The following CNTN5 variants were observed in gnomAD, a reference collection of about 807,000 sequenced individuals.
CNTN5 encodes the protein contactin-5.
A neutral mutation model predicts 129.1 loss-of-function variants in CNTN5; 77 were observed. The observed-to-expected ratio is 0.60, with a 90% CI of 0.50 to 0.72. CNTN5 has a LOEUF of 0.72. Among genes scored for constraint, CNTN5 ranks in the 30% least tolerant of loss-of-function variants. The pLI is 0.00. For missense variants in CNTN5, 1,478 were observed against 1,328.8 expected, an observed-to-expected ratio of 1.11 and a Z score of -1.75; for synonymous variants, 509 against 465.6, an observed-to-expected ratio of 1.09 and a Z score of -1.20.
intron 2 of CNTN5, among the ~76,000 whole-genome samples, chr11:99,377,173 CAG>C (rs1298871534): frequency 6.6e-6 from 1 of 151,952 alleles, no homozygotes; most frequent in African/African-American, 2.4e-5. Flanking sequence ...AGGAATGAAA[CAG>C]AGCTAGAATT....
At chr11:100,142,937 C>A (rs1946740013) in intron 13 of CNTN5, among the ~76,000 whole-genome samples, 1 of 152,052 alleles carries the variant, frequency 6.6e-6, no homozygotes, top group African/African-American at 2.4e-5. Flanking sequence ...GTACCTAAAC[C>A]TTGTTTCATG....
chr11:99,306,386 G>T (rs1365236790), intron 1 of CNTN5, among the ~76,000 whole-genome samples: 1 of 152,136 alleles, frequency 6.6e-6, no homozygotes, highest in Non-Finnish European at 1.5e-5. Context: ...GACAAAAAAA[G>T]TTGTAATTAT....
chr11:99,053,438 T>C (rs1271503751), intron 1 of CNTN5, among the ~76,000 whole-genome samples: 1 of 151,952 alleles, frequency 6.6e-6, no homozygotes, highest in Non-Finnish European at 1.5e-5. Context: ...TTATTCTGTC[T>C]TTTCAATATA....
chr11:99,691,996 G>T (rs1954058733), intron 3 of CNTN5, among the ~76,000 whole-genome samples: 1 of 152,114 alleles, frequency 6.6e-6, no homozygotes, highest in South Asian at 2.1e-4. Flanking sequence ...CATTTGTAAT[G>T]CCCTTCTTTG....
intron 1 of CNTN5, among the ~76,000 whole-genome samples, chr11:99,090,969 C>T (rs768679156): frequency 2.0e-4 from 28 of 140,938 alleles, no homozygotes; most frequent in African/African-American, 7.2e-4. Context: ...TTGCAGTGAG[C>T]CGAGATCGTG....
rs369482207 is a variant in CNTN5, at chr11:99,082,614, T to C, written c.-210+61344T>C. On this transcript the variant is annotated intron_variant, in intron 1 of 24. Transcript: ENST00000524871. ...AAGGAAGAAAACCTTTAACTTATATTTCCCAATTCTTTGGCCTGTGAGTTT... is the reference window on the plus strand; with the variant it reads ...AAGGAAGAAAACCTTTAACTTATATCTCCCAATTCTTTGGCCTGTGAGTTT... 4.3e-3 allele frequency among the ~76,000 whole-genome samples: 653 copies of C among 152,316 alleles called. 5 individuals are homozygous for C. Among genetic ancestry groups the C allele is most frequent in the South Asian group, 0.014 (66 of 4,834 alleles).
chr11:99,105,572 G>C (rs1866956766), intron 1 of CNTN5, among the ~76,000 whole-genome samples: 1 of 152,092 alleles, frequency 6.6e-6, no homozygotes, highest in Non-Finnish European at 1.5e-5. Context: ...CAGAGCTTGT[G>C]AGTTCTTTTA....
intron 2 of CNTN5, among the ~76,000 whole-genome samples, chr11:99,466,051 T>G (rs1318786322): frequency 6.6e-6 from 1 of 151,952 alleles, no homozygotes; most frequent in Non-Finnish European, 1.5e-5. Flanking sequence ...CCTGCTCAAT[T>G]TTTTGTATTT....
At chr11:99,034,102 C>A (rs905736278) in intron 1 of CNTN5, among the ~76,000 whole-genome samples, 2 of 152,208 alleles carry the variant, frequency 1.3e-5, no homozygotes, top group African/African-American at 4.8e-5. Flanking sequence ...ACCAGCCTTG[C>A]ATCCCAAGGA....
intron 3 of CNTN5, among the ~76,000 whole-genome samples, chr11:99,677,323 G>A (rs1953333378): frequency 6.6e-6 from 1 of 151,944 alleles, no homozygotes; most frequent in African/African-American, 2.4e-5. Flanking sequence ...ATGTTCATGG[G>A]AGCTGTTTTT....
At chr11:100,038,591 G>T (rs974714496) in intron 9 of CNTN5, among the ~76,000 whole-genome samples, 1 of 152,188 alleles carries the variant, frequency 6.6e-6, no homozygotes, top group East Asian at 1.9e-4. Flanking sequence ...CATTATTATT[G>T]TGTGGGAGTC....
intron 15 of CNTN5, among the ~76,000 whole-genome samples, chr11:100,202,981 C>A (rs1048317668): frequency 6.6e-6 from 1 of 151,976 alleles, no homozygotes; most frequent in Non-Finnish European, 1.5e-5. Context: ...TTCATTGTGT[C>A]TTTTAACACT....
At position 99,118,176 on chromosome 11, in the gene CNTN5, A is replaced by G. The variant is rs1285442683; in HGVS notation, c.-210+96906A>G. On this transcript the variant is annotated intron_variant, in intron 1 of 24. Coordinates refer to ENST00000524871, the MANE Select transcript of CNTN5 (RefSeq NM_014361.4). ...AAATATTTAGAAACAATCTAAATCTATTTGTACCAATTTATATGCCCAAGT... is the reference window on the plus strand; with the variant it reads ...AAATATTTAGAAACAATCTAAATCTGTTTGTACCAATTTATATGCCCAAGT... 2.0e-5 allele frequency among the ~76,000 whole-genome samples: 3 copies of G among 152,280 alleles called. No homozygotes were observed. The East Asian group carries it at 5.8e-4, about 29-fold the overall frequency.
chr11:99,590,979 A>G (rs2135666534), intron 3 of CNTN5, among the ~76,000 whole-genome samples: 1 of 152,362 alleles, frequency 6.6e-6, no homozygotes, highest in South Asian at 2.1e-4. Flanking sequence ...ATACATGCAA[A>G]TAATAAATTA....
At position 99,622,341 on chromosome 11, in the gene CNTN5, A is replaced by G. The variant is rs201280402; in HGVS notation, c.55+66072A>G. Reference sequence around the variant, plus strand: ...TTTAATGAAATTAAAGCCCTATAGTATGACTAAAGAGAAGAAAGCTTTTGG... The same window carrying G: ...TTTAATGAAATTAAAGCCCTATAGTGTGACTAAAGAGAAGAAAGCTTTTGG... On this transcript the variant is annotated intron_variant, in intron 3 of 24. Transcript: ENST00000524871. Among the ~76,000 whole-genome samples the G allele has an allele frequency of 5.0e-3, 754 of 152,280 alleles. 19 individuals are homozygous for G. The East Asian group carries it at 0.093, about 19-fold the overall frequency.
chr11:99,740,515 G>A (rs1429793566), intron 3 of CNTN5, among the ~76,000 whole-genome samples: 2 of 152,174 alleles, frequency 1.3e-5, no homozygotes, highest in African/African-American at 4.8e-5. Context: ...GAGAAGAAAT[G>A]TGGAGAGACT....
chr11:99,337,643 G>T (rs1457631673), intron 2 of CNTN5, among the ~76,000 whole-genome samples: 1 of 152,148 alleles, frequency 6.6e-6, no homozygotes, highest in Non-Finnish European at 1.5e-5. Flanking sequence ...GGCGATTATG[G>T]ACATGTTACA....
rs763625991 is a variant in CNTN5, at chr11:100,091,387, C to A, written c.1580+17093C>A. The stretch of plus-strand genomic sequence containing the variant: ...GGTGTTCTTCAAATCACTCATCACA[C>A]TCTGCAATGTTCTTTTTGGTTTATT... On this transcript the variant is annotated intron_variant, in intron 13 of 24. Transcript: ENST00000524871. Among the ~76,000 whole-genome samples, 3 of 150,664 alleles carry A rather than the reference C, an allele frequency of 2.0e-5. No homozygotes were observed. The South Asian group carries it at 6.4e-4, about 32-fold the overall frequency.
At chr11:99,560,320 T>C (rs536976699) in intron 3 of CNTN5, among the ~76,000 whole-genome samples, 11 of 150,028 alleles carry the variant, frequency 7.3e-5, no homozygotes, top group Non-Finnish European at 1.5e-4. Flanking sequence ...TGAGATGGAG[T>C]TTCACCTTGT....
Sources: allele counts gnomAD v4.1 joint callset (sites outside exome capture counted in the v4.1 genomes callset), GRCh38; gene constraint gnomAD v4.1.1; transcripts MANE v1.5; gene names NCBI Gene and HGNC (gene_info 2026-07-23, HGNC 2026-07-21).